The following WWOX variants were observed in gnomAD, a reference collection of about 807,000 sequenced individuals.
WWOX encodes the protein WW domain-containing oxidoreductase.
WWOX carries 69 observed loss-of-function variants against 46.2 expected under a neutral mutation model. The observed-to-expected ratio is 1.49, with a 90% CI of 1.23 to 1.82. WWOX has a LOEUF of 1.82. WWOX is among the 40% of genes most tolerant of loss of function. WWOX has a pLI of 0.00. For synonymous variants in WWOX, 359 were observed against 202.6 expected (o/e 1.77, Z -6.56); for missense variants, 919 against 542.6 (o/e 1.69, Z -6.89).
chr16:78,901,415 C>T (rs537192274), intron 8 of WWOX, among the ~76,000 whole-genome samples: 4 of 152,268 alleles, frequency 2.6e-5, no homozygotes, highest in African/African-American at 7.2e-5. Flanking sequence ...CTGTTCTTTT[C>T]CCTCTCCCCA....
At chr16:78,942,709 C>G (rs1010160930) in intron 8 of WWOX, among the ~76,000 whole-genome samples, 3 of 152,152 alleles carry the variant, frequency 2.0e-5, no homozygotes, top group Non-Finnish European at 4.4e-5. Context: ...ACTAACTGAA[C>G]TTGATGGTCA....
intron 5 of WWOX, among the ~76,000 whole-genome samples, chr16:78,361,672 T>G (rs1023738252): frequency 6.6e-6 from 1 of 152,106 alleles, no homozygotes; most frequent in Non-Finnish European, 1.5e-5. Context: ...AGTGTAATGG[T>G]GCGATATCGG....
intron 1 of WWOX, chr16:78,100,246 T>A: frequency 7.2e-6 from 8 of 1,117,758 alleles, no homozygotes; most frequent in Non-Finnish European, 8.9e-6. Flanking sequence ...GGATAGGAGT[T>A]TTGTTGTGTT....
intron 8 of WWOX, among the ~76,000 whole-genome samples, chr16:78,802,707 G>A (rs1474565481): frequency 1.3e-5 from 2 of 151,772 alleles, no homozygotes; most frequent in African/African-American, 2.4e-5. Flanking sequence ...CTTGAGGTCA[G>A]GAGTTCAAGA....
chr16:79,110,660 A>G (rs1396727720), intron 8 of WWOX: 1 of 151,994 alleles, frequency 6.6e-6, no homozygotes, highest in African/African-American at 2.4e-5. Context: ...TTGTTGTTAA[A>G]CTCACGTTCA....
At chr16:78,584,563 A>G (rs2045146416) in intron 8 of WWOX, among the ~76,000 whole-genome samples, 1 of 152,214 alleles carries the variant, frequency 6.6e-6, no homozygotes, top group Admixed American at 6.5e-5. Flanking sequence ...TTATTTTAAT[A>G]TATACCTTTT....
At chr16:78,966,468 G>A (rs1213082929) in intron 8 of WWOX, among the ~76,000 whole-genome samples, 3 of 151,176 alleles carry the variant, frequency 2.0e-5, no homozygotes, top group East Asian at 1.9e-4. Context: ...CATGTACATC[G>A]TTTTTAAGAT....
At chr16:78,222,976 G>T (rs957207917) in intron 5 of WWOX, among the ~76,000 whole-genome samples, 1 of 152,164 alleles carries the variant, frequency 6.6e-6, no homozygotes, top group African/African-American at 2.4e-5. Context: ...GGAGCCAGAG[G>T]AATGCAGGGA....
intron 8 of WWOX, among the ~76,000 whole-genome samples, chr16:78,702,559 G>T (rs952397223): frequency 6.6e-6 from 1 of 151,832 alleles, no homozygotes; most frequent in Non-Finnish European, 1.5e-5. Context: ...GGAGGCTGAG[G>T]CAGGAGAATC....
chr16:79,017,477 A>G (rs1331136496), intron 8 of WWOX: 1 of 147,806 alleles, frequency 6.8e-6, no homozygotes. Flanking sequence ...GAAAGAAATT[A>G]CAGGTAGGCT....
At chr16:78,590,285 T>C (rs1010896244) in intron 8 of WWOX, among the ~76,000 whole-genome samples, 11 of 152,192 alleles carry the variant, frequency 7.2e-5, no homozygotes, top group African/African-American at 2.7e-4. Flanking sequence ...CTGCTTTCTA[T>C]CCTTCAAAAA....
In WWOX at chr16:78,406,297, AATATAAATATATATATATATATATATAT is replaced by A. The variant is rs1171074642; in HGVS notation, c.606-18567_606-18540del. Among the ~76,000 whole-genome samples, 239 of 74,080 alleles carry A rather than the reference AATATAAATATATATATATATATATATAT, an allele frequency of 3.2e-3. 8 individuals are homozygous for A. Among genetic ancestry groups the A allele is most frequent in the Middle Eastern group, 8.9e-3 (1 of 112 alleles). The allele number at this position is 74,080 out of a possible 152,430, so 48.6% of individuals were successfully genotyped here. ...AATTTCCATTACATTACAGCATATA[AATATAAATATATATATATATATATATAT>A]ATATATATATATATATATATATATA... On this transcript the variant is annotated intron_variant, in intron 6 of 8. Transcript: ENST00000566780.
chr16:78,818,764 C>T (rs1268236096), intron 8 of WWOX, among the ~76,000 whole-genome samples: 2 of 152,160 alleles, frequency 1.3e-5, no homozygotes, highest in East Asian at 1.9e-4. Context: ...ATTAACTATT[C>T]GGGGCCTTAG....
chr16:78,661,885 A>T (rs1408640741), intron 8 of WWOX, among the ~76,000 whole-genome samples: 1 of 152,210 alleles, frequency 6.6e-6, no homozygotes, highest in Non-Finnish European at 1.5e-5. Context: ...TCTACAAAAA[A>T]TACAAAAAAT....
At chr16:79,146,300 A>G (rs2150724723) in intron 8 of WWOX, among the ~76,000 whole-genome samples, 1 of 152,264 alleles carries the variant, frequency 6.6e-6, no homozygotes, top group South Asian at 2.1e-4. Context: ...CCCTGAAGGT[A>G]TTCTCCTACC....
chr16:78,855,474 A>G (rs1438106732), intron 8 of WWOX, among the ~76,000 whole-genome samples: 1 of 152,152 alleles, frequency 6.6e-6, no homozygotes, highest in Non-Finnish European at 1.5e-5. Context: ...TGCTATGTTC[A>G]CTTTGCAGAA....
chr16:78,215,679 G>A (rs1448928493), intron 5 of WWOX, among the ~76,000 whole-genome samples: 1 of 152,130 alleles, frequency 6.6e-6, no homozygotes, highest in East Asian at 1.9e-4. Context: ...TGTAATCCCA[G>A]CACTTTAGGA....
At chr16:78,962,851 G>A (rs1196235104) in intron 8 of WWOX, among the ~76,000 whole-genome samples, 2 of 152,148 alleles carry the variant, frequency 1.3e-5, no homozygotes, top group African/African-American at 4.8e-5. Context: ...ATTTCTATCA[G>A]CATAGTTTTC....
intron 8 of WWOX, among the ~76,000 whole-genome samples, chr16:78,690,705 C>G (rs2142263937): frequency 6.6e-6 from 1 of 152,284 alleles, no homozygotes; most frequent in South Asian, 2.1e-4. Flanking sequence ...GGGTGCTTTC[C>G]AGTCACAGCC....
Sources: gnomAD v4.1 joint callset for allele counts (sites outside exome capture counted in the v4.1 genomes callset) on GRCh38, gnomAD v4.1.1 for gene constraint, MANE v1.5 for transcripts, NCBI Gene and HGNC (gene_info 2026-07-23, HGNC 2026-07-21) for gene names.